OPRL1: variants seen among roughly 807,000 people sequenced by gnomAD.
The protein encoded by OPRL1 is nociceptin receptor.
In OPRL1, 5 loss-of-function variants were observed where a neutral mutation model predicts 15.5. The observed-to-expected ratio is 0.32, with a 90% confidence interval of 0.17 to 0.68. The LOEUF is 0.68. Ranked by LOEUF, OPRL1 falls within the 30% of genes least tolerant of loss-of-function variation. The probability of loss-of-function intolerance (pLI) is 0.72; values close to 1 mark genes in which losing one functional copy is unlikely to be tolerated. For synonymous variants in OPRL1, 223 were observed against 230.2 expected (o/e 0.97, Z 0.28); for missense variants, 406 against 515.3 (o/e 0.79, Z 2.05).
Position 64,092,972 on chromosome 20 carries a change from T to G in OPRL1, c.233+19T>G. ...TCCTCAGGTAGGCTGGGCCCCAAGG[T>G]TCCTGTCTGGTGAGTCCCACACGGC... On this transcript the variant is annotated intron_variant, in intron 3 of 4. Coordinates refer to ENST00000336866, the MANE Select transcript of OPRL1 (RefSeq NM_182647.4). The G allele has an allele frequency of 1.2e-6, 2 of 1,607,626 alleles. No homozygotes were observed. Among genetic ancestry groups the G allele is most frequent in the Non-Finnish European group, 1.7e-6 (2 of 1,175,650 alleles).
At chr20:64,088,683 G>T in intron 1 of OPRL1, among the ~76,000 whole-genome samples, 1 of 145,040 alleles carries the variant, frequency 6.9e-6, no homozygotes, top group African/African-American at 2.6e-5. Context: ...GAGTGGCCAG[G>T]ATCTGTGCAG....
At position 64,086,774 on chromosome 20, in the gene OPRL1, C is replaced by T. The variant is rs550542787; in HGVS notation, c.-184-5192C>T. Among the ~76,000 whole-genome samples, 25 of 152,256 alleles carry T rather than the reference C, an allele frequency of 1.6e-4. No homozygotes were observed. The East Asian group carries it at 1.7e-3, about 11-fold the overall frequency. ...TCACTTTTTTAATAGCACAAATGTGCGGCCTGGTGACTGGCTTCCCTGGGG... is the reference window on the plus strand; with the variant it reads ...TCACTTTTTTAATAGCACAAATGTGTGGCCTGGTGACTGGCTTCCCTGGGG... On this transcript the variant is annotated intron_variant, in intron 1 of 4. Transcript: ENST00000336866.
In OPRL1 at chr20:64,083,603, C is replaced by T; in HGVS notation, c.-185+3251C>T. 4.7e-6 allele frequency: 7 copies of T among 1,483,602 alleles called. No homozygotes were observed. The highest frequency in any genetic ancestry group is 5.4e-6 in the Non-Finnish European group (6 of 1,117,756). The allele number at this position is 1,483,602 out of a possible 1,614,324, so 91.9% of individuals were successfully genotyped here. On this transcript the variant is annotated intron_variant, in intron 1 of 4. Transcript: ENST00000336866. The surrounding 1 kb of genome is among the most constrained non-coding windows in gnomAD (Gnocchi z 4.9). The stretch of plus-strand genomic sequence containing the variant: ...TGCACCTCTTGGCGGTCCAGGGGGT[C>T]CGGGATCCGCGCGGGCTTCAGCTGC...
rs1288560148 is a variant in OPRL1 at position 64,088,850 on chromosome 20, AGG to A, written c.-184-3114_-184-3113del. Reference sequence around the variant, plus strand: ...TGTGCAGGGAGGGCAGGATCTGTGCAGGGAGGGCAGGGTCTGTGCAGAGTGGC... The same window carrying A: ...TGTGCAGGGAGGGCAGGATCTGTGCAGAGGGCAGGGTCTGTGCAGAGTGGC... On this transcript the variant is annotated intron_variant, in intron 1 of 4. Transcript: ENST00000336866. Among the ~76,000 whole-genome samples the A allele has an allele frequency of 1.3e-4, 18 of 136,550 alleles. 1 individual carries two copies. Among genetic ancestry groups the A allele is most frequent in the Non-Finnish European group, 2.3e-4 (14 of 60,774 alleles). 89.6% of individuals were successfully genotyped at this position (136,550 alleles called of 152,430 possible). A position where few individuals can be genotyped will look rare whatever the true frequency, so the allele number is the denominator to read the frequency against.
rs779141396 is a variant in OPRL1, at chr20:64,098,644, G to A, written c.958G>A (p.Ala320Thr). Residue 320 changes from alanine (A) to threonine (T), a missense_variant, in exon 5 of 5, where the codon GCC becomes ACC. By Grantham distance (58) the Ala-to-Thr change is moderately conservative. Coordinates refer to ENST00000336866, the MANE Select transcript of OPRL1 (RefSeq NM_182647.4). ...VNSCLNPILY[A>T]FLDENFKACF... ...CAGCTGCCTCAACCCCATCCTCTAC[G>A]CCTTCCTGGATGAGAACTTCAAGGC... 1.2e-5 allele frequency: 20 copies of A among 1,612,826 alleles called. No individual in the cohort carries two copies. The highest frequency in any genetic ancestry group is 1.4e-5 in the Non-Finnish European group (17 of 1,179,980).
At chr20:64,087,614 T>C (rs2060063039) in intron 1 of OPRL1, among the ~76,000 whole-genome samples, 1 of 139,892 alleles carries the variant, frequency 7.1e-6, no homozygotes, top group Non-Finnish European at 1.6e-5. Context: ...GGGCTATCCC[T>C]AGTATCCTCG....
At position 64,083,699 on chromosome 20, in the gene OPRL1, C is replaced by T. The variant is rs1451278088; in HGVS notation, c.-185+3347C>T. ...TGCCGCTGGATGAGCAGCGCGATCT[C>T]CTCGGCCTGCGGGGCCCGGGTAGCT... On this transcript the variant is annotated intron_variant, in intron 1 of 4. Coordinates refer to ENST00000336866, the MANE Select transcript of OPRL1 (RefSeq NM_182647.4). The surrounding 1 kb of genome is among the most constrained non-coding windows in gnomAD (Gnocchi z 4.9). The T allele has an allele frequency of 2.2e-6, 3 of 1,392,482 alleles. No individual in the cohort carries two copies. The highest frequency in any genetic ancestry group is 2.8e-6 in the Non-Finnish European group (3 of 1,082,028). The allele number at this position is 1,392,482 out of a possible 1,614,324, so 86.3% of individuals were successfully genotyped here.
intron 1 of OPRL1, chr20:64,086,577 C>T (rs6090043): frequency 0.48 from 94,801 of 197,388 alleles, 23,229 homozygotes; most frequent in East Asian, 0.58. Flanking sequence ...CAAGGCCTGA[C>T]GATGAAACTT....
At position 64,086,402 on chromosome 20, in the gene OPRL1, C is replaced by T. The variant is rs145322546; in HGVS notation, c.-184-5564C>T. 655 of 178,438 alleles carry T rather than the reference C, an allele frequency of 3.7e-3. 5 individuals carry two copies. The highest frequency in any genetic ancestry group is 0.015 in the African/African-American group (618 of 42,054). 11.1% of individuals were successfully genotyped at this position (178,438 alleles called of 1,614,324 possible). ...TCCTCACCCCTACTGTTTCTCCACA[C>T]GTTTGCAGTTCTGCAAGAAGGGAGG... On this transcript the variant is annotated intron_variant, in intron 1 of 4. Transcript: ENST00000336866.
rs1399187933 is a variant in OPRL1, at chr20:64,090,207, CTG to C, written c.-184-1753_-184-1752del. Among the ~76,000 whole-genome samples the C allele has an allele frequency of 6.6e-6, 1 of 152,214 alleles. No homozygotes were observed. Among genetic ancestry groups the C allele is most frequent in the Non-Finnish European group, 1.5e-5 (1 of 68,050 alleles). ...TCTGAGTGTGTACCCATCCATGTCTCTGTGTGTTCACCCGTATGCCTGTCTGG... is the reference window on the plus strand; with the variant it reads ...TCTGAGTGTGTACCCATCCATGTCTCTGTGTTCACCCGTATGCCTGTCTGG... On this transcript the variant is annotated intron_variant, in intron 1 of 4. Transcript: ENST00000336866. The surrounding 1 kb of genome is among the most constrained non-coding windows in gnomAD (Gnocchi z 4.9).
At chr20:64,093,176 C>G (rs1319439955) in intron 3 of OPRL1, among the ~76,000 whole-genome samples, 1 of 151,892 alleles carries the variant, frequency 6.6e-6, no homozygotes, top group African/African-American at 2.4e-5. Flanking sequence ...CCACCGCGCT[C>G]TGTCCCAGGC....
rs1303751983 is a variant in OPRL1 at position 64,083,376 on chromosome 20, T to G, written c.-185+3024T>G. On this transcript the variant is annotated intron_variant, in intron 1 of 4. Transcript: ENST00000336866. This position sits in a 1 kb window ranked among gnomAD's most constrained non-coding sequence, Gnocchi z 4.9. Reference sequence around the variant, plus strand: ...GTGGCAGCAAAAAGACCAGCGAGCCTTCGGAGAATTATAACTTTATGTGGG... The same window carrying G: ...GTGGCAGCAAAAAGACCAGCGAGCCGTCGGAGAATTATAACTTTATGTGGG... The G allele has an allele frequency of 6.2e-7, 1 of 1,609,206 alleles. No homozygotes were observed. The highest frequency in any genetic ancestry group is 1.3e-5 in the African/African-American group (1 of 74,618).
rs80271968 is a variant in OPRL1, at chr20:64,089,161, C to T, written c.-184-2805C>T. Among the ~76,000 whole-genome samples the T allele has an allele frequency of 0.017, 2,554 of 152,226 alleles. 44 individuals carry two copies. Among genetic ancestry groups the T allele is most frequent in the East Asian group, 0.051 (262 of 5,182 alleles). ...GCCGCAGGCACAAGGGAGGGAGAAG[C>T]TGTCCTGGGTTCTATGGTTATGAAC... On this transcript the variant is annotated intron_variant, in intron 1 of 4. Coordinates refer to ENST00000336866, the MANE Select transcript of OPRL1 (RefSeq NM_182647.4). This position sits in a 1 kb window ranked among gnomAD's most constrained non-coding sequence, Gnocchi z 5.5.
At position 64,083,084 on chromosome 20, in the gene OPRL1, C is replaced by T. The variant is rs2059986040; in HGVS notation, c.-185+2732C>T. 6.6e-6 allele frequency among the ~76,000 whole-genome samples: 1 copy of T among 152,180 alleles called. No homozygotes were observed. The highest frequency in any genetic ancestry group is 1.5e-5 in the Non-Finnish European group (1 of 68,026). On this transcript the variant is annotated intron_variant, in intron 1 of 4. Coordinates refer to ENST00000336866, the MANE Select transcript of OPRL1 (RefSeq NM_182647.4). This position sits in a 1 kb window ranked among gnomAD's most constrained non-coding sequence, Gnocchi z 4.9. ...CCACTGCAGCCTGAGGCTACCCTTA[C>T]ATCTGGGGGTGACTTCTGCTGAAAC... is the stretch of plus-strand genomic sequence containing the variant.
rs79244763 is a variant in OPRL1 at position 64,088,735 on chromosome 20, G to T, written c.-184-3231G>T. On this transcript the variant is annotated intron_variant, in intron 1 of 4. Transcript: ENST00000336866. ...GCAGAGTGGCCAGGATCTGTGCAAG[G>T]GGTAGGATCTGTGCAGAGTGGCCAG... 2.8e-3 allele frequency among the ~76,000 whole-genome samples: 28 copies of T among 9,962 alleles called. 4 individuals are homozygous for T. The highest frequency in any genetic ancestry group is 3.6e-3 in the Non-Finnish European group (16 of 4,430). 6.5% of individuals were successfully genotyped at this position (9,962 alleles called of 152,430 possible). A position where few individuals can be genotyped will look rare whatever the true frequency, so the allele number is the denominator to read the frequency against.
At position 64,098,405 on chromosome 20, in the gene OPRL1, G is replaced by T; in HGVS notation, c.719G>T (p.Arg240Leu). 1 of 1,613,594 alleles carries T rather than the reference G, an allele frequency of 6.2e-7. No homozygotes were observed. Residue 240 changes from arginine (R) to leucine (L), a missense_variant, in exon 5 of 5, where the codon CGG (arginine) becomes CTG (leucine). By Grantham distance (102) the Arg-to-Leu change is moderately radical (BLOSUM62 -2). Transcript: ENST00000336866. The stretch of plus-strand genomic sequence containing the variant: ...TCTGTCTGCTACAGCCTCATGATCC[G>T]GCGGCTCCGTGGAGTCCGCCTGCTC... ...VISVCYSLMI[R>L]RLRGVRLLSG...
In OPRL1 at chr20:64,083,965, T is replaced by G. The variant is rs77021907; in HGVS notation, c.-185+3613T>G. ...GCGGGTCGGGCATGCGGTACCCCGGTTCCACCGACCCGCACGGGAAGGTGG... is the reference window on the plus strand; with the variant it reads ...GCGGGTCGGGCATGCGGTACCCCGGGTCCACCGACCCGCACGGGAAGGTGG... On this transcript the variant is annotated intron_variant, in intron 1 of 4. Coordinates refer to ENST00000336866, the MANE Select transcript of OPRL1 (RefSeq NM_182647.4). The surrounding 1 kb of genome is among the most constrained non-coding windows in gnomAD (Gnocchi z 4.9). The G allele has an allele frequency of 1.1e-3, 1,561 of 1,468,210 alleles. 9 individuals are homozygous for G. In the African/African-American group the frequency reaches 0.013, roughly 12 times the overall value. 90.9% of individuals were successfully genotyped at this position (1,468,210 alleles called of 1,614,324 possible). A position where few individuals can be genotyped will look rare whatever the true frequency, so the allele number is the denominator to read the frequency against.
At chr20:64,095,776 G>A (rs1979046142) in intron 3 of OPRL1, among the ~76,000 whole-genome samples, 1 of 151,994 alleles carries the variant, frequency 6.6e-6, no homozygotes, top group Non-Finnish European at 1.5e-5. Flanking sequence ...AACCGGAGGT[G>A]TTATGTAGGT....
chr20:64,091,731 C>A (rs2060119520), intron 1 of OPRL1, among the ~76,000 whole-genome samples: 1 of 152,124 alleles, frequency 6.6e-6, no homozygotes, highest in African/African-American at 2.4e-5. Flanking sequence ...TGTCTGTGAA[C>A]CCGTGGGCAT....
Sources: allele counts gnomAD v4.1 joint callset (sites outside exome capture counted in the v4.1 genomes callset), GRCh38; gene constraint gnomAD v4.1.1; non-coding constraint Gnocchi (gnomAD v3.1); transcripts MANE v1.5; gene names NCBI Gene and HGNC (gene_info 2026-07-23, HGNC 2026-07-21).